AARS2: variants seen among roughly 807,000 people sequenced by gnomAD.
AARS2 encodes alanine--tRNA ligase, mitochondrial.
AARS2 carries 78 observed loss-of-function variants against 119.7 expected under a neutral mutation model. The observed-to-expected ratio is 0.65, with a 90% confidence interval of 0.54 to 0.79. The LOEUF (loss-of-function observed/expected upper bound fraction) is 0.79, where lower values mean the gene tolerates loss of function less well. AARS2 is among the 30% of genes least tolerant of loss of function. The probability of loss-of-function intolerance (pLI) is 0.00; values close to 1 mark genes in which losing one functional copy is unlikely to be tolerated. For synonymous variants in AARS2, 502 were observed against 526.3 expected (o/e 0.95, Z 0.63); for missense variants, 1,157 against 1,291.3 (o/e 0.90, Z 1.59).
chr6:44,307,375 T>C lies in AARS2; in HGVS notation c.914A>G (p.Tyr305Cys). 2 of 1,607,196 alleles carry C rather than the reference T, an allele frequency of 1.2e-6. No homozygotes were observed. Among genetic ancestry groups the C allele is most frequent in the South Asian group, 2.2e-5 (2 of 89,816 alleles). The change falls in exon 6 of 22, where the codon TAC becomes TGC. Residue 305 changes from tyrosine (Y) to cysteine (C), a missense_variant. Transcript: ENST00000244571. The surrounding 1 kb of genome is among the most constrained non-coding windows in gnomAD (Gnocchi z 4.4). Reference sequence around the variant, plus strand: ...GTCTGCCACCCCTACTCGGCCCAAGTAAGGGGGTGCCCTGCAGCCCTGGGA... The same window carrying C: ...GTCTGCCACCCCTACTCGGCCCAAGCAAGGGGGTGCCCTGCAGCCCTGGGA... ...AIQQGCRAPPYLGRVGVADEG... is the reference protein window; with the variant it reads ...AIQQGCRAPPCLGRVGVADEG...
At chr6:44,309,267 C>A (rs1485354528) in intron 5 of AARS2, among the ~76,000 whole-genome samples, 1 of 152,206 alleles carries the variant, frequency 6.6e-6, no homozygotes, top group African/African-American at 2.4e-5. Flanking sequence ...CTACTGCCCC[C>A]AAACTGACAG....
chr6:44,306,673 T>G, intron 7 of AARS2, 141 bp from the exon 8 acceptor site: 4 of 1,103,466 alleles, frequency 3.6e-6, no homozygotes, highest in Non-Finnish European at 5.6e-6. Flanking sequence ...AATGGGGAAC[T>G]GGTTTCCCTG....
At chr6:44,303,546 C>A in intron 14 of AARS2, 123 bp from the exon 15 acceptor site, 5 of 1,432,036 alleles carry the variant, frequency 3.5e-6, no homozygotes, top group Non-Finnish European at 4.9e-6. Flanking sequence ...GTGGCTAGCA[C>A]ATAATAGGTG....
rs758749920 is a variant in AARS2, at chr6:44,311,427, G to C, written c.544C>G (p.Pro182Ala). 6.2e-7 allele frequency: 1 copy of C among 1,614,132 alleles called. No homozygotes were observed. The change falls in exon 3 of 22, where the codon CCA (proline) becomes GCA (alanine). Residue 182 changes from proline (P) to alanine (A), a missense_variant. Coordinates refer to ENST00000244571, the MANE Select transcript of AARS2 (RefSeq NM_020745.4). The stretch of plus-strand genomic sequence containing the variant: ...CAGATGTCCCTGGTCTCCAGGTCTG[G>C]GTCCAGCCCTGCCTTGGGGTCACCA... ...FDGDPKAGLDPDLETRDIWLS... is the reference protein window; with the variant it reads ...FDGDPKAGLDADLETRDIWLS...
rs374971594 is a variant in AARS2 at position 44,303,326 on chromosome 6, G to A, written c.2105C>T (p.Ala702Val). Residue 702 changes from alanine to valine, a missense_variant, in exon 15 of 22, where the codon GCG (alanine) becomes GTG (valine). Physicochemically the swap from Ala to Val is moderately conservative, Grantham distance 64 (BLOSUM62 0). Coordinates refer to ENST00000244571, the MANE Select transcript of AARS2 (RefSeq NM_020745.4). ...EAVYMEEVPL[A>V]LTAQVPGLRS... The stretch of plus-strand genomic sequence containing the variant: ...CAGGCCAGGGACCTGGGCAGTGAGC[G>A]CCAGGGGCACCTCCTCCATGTACAC... The A allele has an allele frequency of 1.5e-5, 24 of 1,613,928 alleles. No homozygotes were observed. The highest frequency in any genetic ancestry group is 9.3e-5 in the African/African-American group (7 of 74,938).
chr6:44,307,395 C>G lies in AARS2; in HGVS notation c.895-1G>C. 1.2e-6 allele frequency: 2 copies of G among 1,600,302 alleles called. No individual in the cohort carries two copies. The highest frequency in any genetic ancestry group is 1.1e-5 in the South Asian group (1 of 88,980). On this transcript the variant is annotated splice_acceptor_variant, in intron 5 of 21. Transcript: ENST00000244571. LOFTEE classifies it high-confidence loss of function. This position sits in a 1 kb window ranked among gnomAD's most constrained non-coding sequence, Gnocchi z 4.4. Reference sequence around the variant, plus strand: ...CCAAGTAAGGGGGTGCCCTGCAGCCCTGGGAAGCAGAAGAGTCAGCCAGTG... The same window carrying G: ...CCAAGTAAGGGGGTGCCCTGCAGCCGTGGGAAGCAGAAGAGTCAGCCAGTG...
In AARS2 at chr6:44,302,783, G is replaced by C. The variant is rs992625835; in HGVS notation, c.2364+19C>G. The C allele has an allele frequency of 1.9e-6, 3 of 1,608,298 alleles. No homozygotes were observed. In the African/African-American group the frequency reaches 4.0e-5, roughly 21 times the overall value. The stretch of plus-strand genomic sequence containing the variant: ...GCACCCACTCAACCCAGAAGTCCCA[G>C]GCCTACTGGCATGCTGACCTGCTGG... On this transcript the variant is annotated intron_variant, in intron 17 of 21. Coordinates refer to ENST00000244571, the MANE Select transcript of AARS2 (RefSeq NM_020745.4).
rs1299530877 is a variant in AARS2, at chr6:44,313,209, C to T, written c.115G>A (p.Ala39Thr). The T allele has an allele frequency of 1.2e-6, 2 of 1,607,816 alleles. No individual in the cohort carries two copies. Among genetic ancestry groups the T allele is most frequent in the Middle Eastern group, 1.7e-4 (1 of 5,960 alleles). Residue 39 changes from alanine (A) to threonine (T), a missense_variant, in exon 1 of 22, where the codon GCC becomes ACC. Transcript: ENST00000244571. ...AGAAAGGCGGCCCTCACGGCCGAGG[C>T]CTTGGCTGCAGGGGGCTCCGATGAG... is the stretch of plus-strand genomic sequence containing the variant. The part of the protein sequence containing the change: ...PLSSEPPAAK[A>T]SAVRAAFLNF...
At position 44,300,195 on chromosome 6, in the gene AARS2, G is replaced by A. The variant is rs1218763785; in HGVS notation, c.*352C>T. The A allele has an allele frequency of 2.5e-5, 8 of 323,522 alleles. No homozygotes were observed. The Admixed American group carries it at 3.4e-4, about 14-fold the overall frequency. 20.0% of individuals were successfully genotyped at this position (323,522 alleles called of 1,614,324 possible). A position where few individuals can be genotyped will look rare whatever the true frequency, so the allele number is the denominator to read the frequency against. On this transcript the variant is annotated 3_prime_UTR_variant, in exon 22 of 22. Transcript: ENST00000244571. ...GGGGTTTCACCATGTTAGCCAGGAT[G>A]GTTTTGATCTCCTGACCTCATGATC...
chr6:44,301,193 G>T lies in AARS2; in HGVS notation c.2756C>A (p.Pro919His). 6.2e-7 allele frequency: 1 copy of T among 1,613,716 alleles called. No individual in the cohort carries two copies. The highest frequency in any genetic ancestry group is 8.5e-7 in the Non-Finnish European group (1 of 1,179,980). The change falls in exon 21 of 22, where the codon CCC becomes CAC. Residue 919 changes from proline (P) to histidine (H), a missense_variant. Transcript: ENST00000244571. ...STSVLLLSPQ[P>H]MGKVLCACQV... ...ACAGGCACACAGCACCTTCCCCATG[G>T]GCTGGGGGCTGAGTAGGAGCACAGA...
Position 44,304,196 on chromosome 6 carries a change from C to T in AARS2, c.1992G>A (p.Leu664=), listed in dbSNP as rs1227057440. ...GSHLNPEQLR[L]DVTTQTPLTP... ...CCGGGCTCACCTGGGTGGTCACATCCAAGCGCAGCTGCTCAGGATTGAGAT... is the reference window on the plus strand; with the variant it reads ...CCGGGCTCACCTGGGTGGTCACATCTAAGCGCAGCTGCTCAGGATTGAGAT... Residue 664 remains leucine, a synonymous_variant, in exon 14 of 22, where the codon TTG becomes TTA. Transcript: ENST00000244571. 1.9e-6 allele frequency: 3 copies of T among 1,613,706 alleles called. No individual in the cohort carries two copies. The highest frequency in any genetic ancestry group is 2.2e-5 in the East Asian group (1 of 44,892).
Position 44,305,111 on chromosome 6 carries a change from GC to G in AARS2, c.1521del (p.Pro509GlnfsTer82). On this transcript the variant is annotated frameshift_variant, in exon 11 of 22. Coordinates refer to ENST00000244571, the MANE Select transcript of AARS2 (RefSeq NM_020745.4). LOFTEE classifies it high-confidence loss of function. This position sits in a 1 kb window ranked among gnomAD's most constrained non-coding sequence, Gnocchi z 4.6. ...TACTTGGGGCTGTCGTCAGTTGGGG[GC>G]ACTCCTTGGCGCTGCAGCTCCCCAA... ...HALGELQRQG[V>X]PPTDDSPKYN... The G allele has an allele frequency of 6.2e-7, 1 of 1,614,018 alleles. No individual in the cohort carries two copies. The highest frequency in any genetic ancestry group is 8.5e-7 in the Non-Finnish European group (1 of 1,180,026).
rs759759938 is a variant in AARS2 at position 44,312,214 on chromosome 6, C to A, written c.293G>T (p.Gly98Val). 2 of 1,614,110 alleles carry A rather than the reference C, an allele frequency of 1.2e-6. No homozygotes were observed. Among genetic ancestry groups the A allele is most frequent in the East Asian group, 4.5e-5 (2 of 44,888 alleles). Residue 98 changes from glycine to valine, a missense_variant, in exon 2 of 22, where the codon GGC becomes GTC. Physicochemically the swap from Gly to Val is moderately radical, Grantham distance 109. Coordinates refer to ENST00000244571, the MANE Select transcript of AARS2 (RefSeq NM_020745.4). Reference protein sequence around the residue: ...GTVDPRSEMAGFRRVANSQKC... With the variant: ...GTVDPRSEMAVFRRVANSQKC... Reference sequence around the variant, plus strand: ...CTGGCTGTTGGCCACACGTCGGAAGCCTGCCATCTCGCTTCGTGGATCCAC... The same window carrying A: ...CTGGCTGTTGGCCACACGTCGGAAGACTGCCATCTCGCTTCGTGGATCCAC...
Position 44,300,542 on chromosome 6 carries a change from C to G in AARS2, c.*5G>C. 1 of 1,613,988 alleles carries G rather than the reference C, an allele frequency of 6.2e-7. No homozygotes were observed. Among genetic ancestry groups the G allele is most frequent in the Admixed American group, 1.7e-5 (1 of 60,032 alleles). On this transcript the variant is annotated 3_prime_UTR_variant, in exon 22 of 22. Coordinates refer to ENST00000244571, the MANE Select transcript of AARS2 (RefSeq NM_020745.4). The stretch of plus-strand genomic sequence containing the variant: ...AGTCCATGTGGGTCCCTGGGCGGAC[C>G]TGGGTCAGAGCTGGCTGAGGGCATA...
intron 4 of AARS2, 21 bp downstream of exon 4, chr6:44,310,973 C>T: frequency 1.2e-6 from 2 of 1,613,696 alleles, no homozygotes; most frequent in Non-Finnish European, 1.7e-6. Flanking sequence ...GGATTCTCAT[C>T]CTGCTTCAGC....
chr6:44,312,341 G>A, intron 1 of AARS2, 78 bp from the exon 2 acceptor site: 1 of 1,456,228 alleles, frequency 6.9e-7, no homozygotes, highest in African/African-American at 1.4e-5. Flanking sequence ...AGTGAGGATA[G>A]GGATGGCTGT....
chr6:44,311,287 A>G, intron 3 of AARS2, 103 bp downstream of exon 3: 1 of 1,604,050 alleles, frequency 6.2e-7, no homozygotes. Flanking sequence ...ACCCCACAAT[A>G]TCCTGGAATG....
intron 1 of AARS2, among the ~76,000 whole-genome samples, chr6:44,312,566 C>T (rs1786460115): frequency 6.6e-6 from 1 of 152,120 alleles, no homozygotes; most frequent in Admixed American, 6.5e-5. Flanking sequence ...AGGTGGCATC[C>T]TCCGTCTCAG....
In AARS2 at chr6:44,305,350, C is replaced by T; in HGVS notation, c.1435-152G>A. On this transcript the variant is annotated intron_variant, in intron 10 of 21. Coordinates refer to ENST00000244571, the MANE Select transcript of AARS2 (RefSeq NM_020745.4). The surrounding 1 kb of genome is among the most constrained non-coding windows in gnomAD (Gnocchi z 4.6). ...CTCAGGGCTTGGCTGGCTGCTAGAGCCCCTGAGCTGGTTGAACCATCCATC... is the reference window on the plus strand; with the variant it reads ...CTCAGGGCTTGGCTGGCTGCTAGAGTCCCTGAGCTGGTTGAACCATCCATC... 7.7e-7 allele frequency: 1 copy of T among 1,302,106 alleles called. No individual in the cohort carries two copies. The highest frequency in any genetic ancestry group is 1.9e-5 in the Admixed American group (1 of 51,932). 80.7% of individuals were successfully genotyped at this position (1,302,106 alleles called of 1,614,324 possible).
Sources: allele counts gnomAD v4.1 joint callset (sites outside exome capture counted in the v4.1 genomes callset), GRCh38; gene constraint gnomAD v4.1.1; non-coding constraint Gnocchi (gnomAD v3.1); transcripts MANE v1.5; gene names NCBI Gene and HGNC (gene_info 2026-07-23, HGNC 2026-07-21).